The following VPS39 variants were observed in gnomAD, a reference collection of about 807,000 sequenced individuals.
VPS39 encodes the protein vam6/Vps39-like protein.
In VPS39, 70 loss-of-function variants were observed where a neutral mutation model predicts 121.0. The observed-to-expected ratio is 0.58, with a 90% CI of 0.48 to 0.71. The LOEUF is 0.71. VPS39 is among the 30% of genes least tolerant of loss of function. The probability of loss-of-function intolerance (pLI) is 0.00; values close to 1 mark genes in which losing one functional copy is unlikely to be tolerated. For missense variants in VPS39, 818 were observed against 1,051.5 expected (o/e 0.78, Z 3.07); for synonymous variants, 378 against 398.1 (o/e 0.95, Z 0.60).
At chr15:42,164,831 T>G in intron 18 of VPS39, 165 bp downstream of exon 18, 2 of 1,441,748 alleles carry the variant, frequency 1.4e-6, no homozygotes, top group Non-Finnish European at 1.8e-6. Context: ...CTCCTGAGTC[T>G]CATGTGCCAG....
At chr15:42,178,427 T>C (rs1003474965) in intron 9 of VPS39, 23 bp downstream of exon 9, 25 of 1,613,940 alleles carry the variant, frequency 1.5e-5, no homozygotes, top group Middle Eastern at 1.6e-4. Flanking sequence ...TATACAGCCA[T>C]AGCAAAAAAA....
intron 2 of VPS39, among the ~76,000 whole-genome samples, chr15:42,192,874 G>C (rs2049858711): frequency 2.6e-5 from 4 of 152,172 alleles, no homozygotes; most frequent in Admixed American, 2.6e-4. Context: ...CACCTCCCGG[G>C]TTCAAGCAAT....
At chr15:42,178,063 G>T (rs899002536) in intron 10 of VPS39, among the ~76,000 whole-genome samples, 155 bp downstream of exon 10, 2 of 152,214 alleles carry the variant, frequency 1.3e-5, no homozygotes, top group Non-Finnish European at 2.9e-5. Context: ...GAGTTACATA[G>T]ATATTTTACG....
chr15:42,185,507 A>G (rs2049683432), intron 7 of VPS39, among the ~76,000 whole-genome samples: 1 of 152,174 alleles, frequency 6.6e-6, no homozygotes, highest in Non-Finnish European at 1.5e-5. Context: ...CCATCAACTG[A>G]TGAATGGATA....
intron 2 of VPS39, among the ~76,000 whole-genome samples, chr15:42,192,388 A>T (rs2049847246): frequency 6.6e-6 from 1 of 152,226 alleles, no homozygotes; most frequent in Admixed American, 6.5e-5. Context: ...GTTAGGTAAC[A>T]GCCAGTGAGG....
intron 15 of VPS39, 117 bp from the exon 16 acceptor site, chr15:42,166,349 A>T: frequency 8.2e-7 from 1 of 1,222,398 alleles, no homozygotes; most frequent in South Asian, 1.3e-5. Context: ...CTCAAGCATG[A>T]GCCACTTGGG....
At chr15:42,174,328 G>T (rs1210138804) in intron 10 of VPS39, among the ~76,000 whole-genome samples, 1 of 152,202 alleles carries the variant, frequency 6.6e-6, no homozygotes, top group Non-Finnish European at 1.5e-5. Context: ...CAGTCTAACT[G>T]TAAGACTGCT....
In VPS39 at chr15:42,161,620, G is replaced by C. The variant is rs535901844; in HGVS notation, c.2552+62C>G. 1.0e-5 allele frequency: 16 copies of C among 1,526,916 alleles called. No individual in the cohort carries two copies. The Admixed American group carries it at 2.0e-4, about 19-fold the overall frequency. 94.6% of individuals were successfully genotyped at this position (1,526,916 alleles called of 1,614,324 possible). On this transcript the variant is annotated intron_variant, in intron 24 of 24. Coordinates refer to ENST00000318006, the MANE Select transcript of VPS39 (RefSeq NM_015289.5). ...TAAAGGGCAGAAATCCATCCTGAGC[G>C]TTCTCCACCCCTGGGAACCTCCACA...
chr15:42,203,547 G>A (rs2050109989), intron 1 of VPS39, among the ~76,000 whole-genome samples: 1 of 151,270 alleles, frequency 6.6e-6, no homozygotes, highest in Non-Finnish European at 1.5e-5. Context: ...GCTGAGACAG[G>A]AGAACCACTT....
chr15:42,204,544 G>A (rs1165810369), intron 1 of VPS39, among the ~76,000 whole-genome samples: 6 of 152,120 alleles, frequency 3.9e-5, no homozygotes, highest in Non-Finnish European at 8.8e-5. Flanking sequence ...TAACTACTCG[G>A]GAGGCTGAGG....
chr15:42,166,610 G>A lies in VPS39; in HGVS notation c.1559C>T (p.Ser520Phe), dbSNP rs2140840018. 1 of 1,614,220 alleles carries A rather than the reference G, an allele frequency of 6.2e-7. No individual in the cohort carries two copies. Among genetic ancestry groups the A allele is most frequent in the Non-Finnish European group, 8.5e-7 (1 of 1,180,042 alleles). ...VLVDQSKKAN[S>F]PLKGHERTVQ... is the part of the protein sequence containing the mutation. ...TGTCCTCTCGTGGCCTTTCAGAGGG[G>A]AGTTGGCTTTCTTGGACTGGTCCAC... The change falls in exon 15 of 25, where the codon TCC becomes TTC. Residue 520 changes from serine (S) to phenylalanine (F), a missense_variant. Transcript: ENST00000318006.
intron 8 of VPS39, among the ~76,000 whole-genome samples, chr15:42,182,564 A>G (rs763204890): frequency 1.1e-4 from 17 of 152,234 alleles, no homozygotes; most frequent in Non-Finnish European, 1.3e-4. Flanking sequence ...CAGGCACTGT[A>G]CTATGTAGTA....
intron 2 of VPS39, among the ~76,000 whole-genome samples, chr15:42,199,092 A>AT (rs1292136602): frequency 6.6e-6 from 1 of 152,126 alleles, no homozygotes; most frequent in East Asian, 1.9e-4. Flanking sequence ...TACCAGAGAA[A>AT]TATATATTAT....
rs1172358987 is a variant in VPS39, at chr15:42,161,979, T to TC, written c.2460+52dup. ...GTCAGAAGGGAACATGTGGACATTG[T>TC]CTCATACTAAAAGTTAAAAGCCCAC... On this transcript the variant is annotated intron_variant, in intron 23 of 24. Coordinates refer to ENST00000318006, the MANE Select transcript of VPS39 (RefSeq NM_015289.5). 1.9e-6 allele frequency: 3 copies of TC among 1,610,704 alleles called. No homozygotes were observed. In the African/African-American group the frequency reaches 4.0e-5, roughly 22 times the overall value.
At chr15:42,180,722 T>C (rs1163287105) in intron 8 of VPS39, among the ~76,000 whole-genome samples, 2 of 152,254 alleles carry the variant, frequency 1.3e-5, no homozygotes, top group Admixed American at 6.5e-5. Flanking sequence ...TTGTATACTA[T>C]ATGAAACATA....
intron 19 of VPS39, 61 bp from the exon 20 acceptor site, chr15:42,163,789 T>C: frequency 8.0e-7 from 1 of 1,253,234 alleles, no homozygotes; most frequent in Non-Finnish European, 1.1e-6. Context: ...AGGTGGGGGC[T>C]ATGCTGTCAG....
intron 10 of VPS39, among the ~76,000 whole-genome samples, chr15:42,174,679 A>T (rs1170766943): frequency 1.3e-5 from 2 of 152,160 alleles, no homozygotes. Flanking sequence ...ACTGAGACAT[A>T]ACGGATGAGT....
intron 11 of VPS39, among the ~76,000 whole-genome samples, chr15:42,170,289 A>G (rs1456658690): frequency 1.3e-5 from 2 of 152,212 alleles, no homozygotes; most frequent in African/African-American, 2.4e-5. Flanking sequence ...ATATGGCAAG[A>G]GGCTAATTTG....
intron 11 of VPS39, among the ~76,000 whole-genome samples, chr15:42,173,422 C>T (rs1388947572): frequency 6.6e-6 from 1 of 152,250 alleles, no homozygotes; most frequent in Non-Finnish European, 1.5e-5. Context: ...TCAATAAACA[C>T]TAGCTGATCA....
Sources: allele counts gnomAD v4.1 joint callset (sites outside exome capture counted in the v4.1 genomes callset), GRCh38; gene constraint gnomAD v4.1.1; transcripts MANE v1.5; gene names NCBI Gene and HGNC (gene_info 2026-07-23, HGNC 2026-07-21).